KCNH1: variants seen among roughly 807,000 people sequenced by gnomAD.
KCNH1 encodes voltage-gated delayed rectifier potassium channel KCNH1.
Under a neutral mutation model 69.2 loss-of-function variants are expected in KCNH1, and 27 were observed. The ratio of observed to expected loss-of-function variants is 0.39; its 90% CI spans 0.29 to 0.54. The LOEUF (loss-of-function observed/expected upper bound fraction) is 0.54, where lower values mean the gene tolerates loss of function less well. Ranked by LOEUF, KCNH1 falls within the 20% of genes least tolerant of loss-of-function variation. KCNH1 has a pLI of 0.68. For synonymous variants in KCNH1, 456 were observed against 487.7 expected (o/e 0.93, Z 0.86); for missense variants, 798 against 1,261.6 (o/e 0.63, Z 5.57).
At chr1:211,039,077 G>A (rs1689947663) in intron 5 of KCNH1, among the ~76,000 whole-genome samples, 1 of 152,286 alleles carries the variant, frequency 6.6e-6, no homozygotes, top group African/African-American at 2.4e-5. Context: ...CATGGGCTGG[G>A]CCCAGGGTCC....
Position 211,126,687 on chromosome 1 carries a change from C to CAAAAAAAAAA in KCNH1, c.79+7170_79+7179dup, listed in dbSNP as rs71571980. 5.6e-3 allele frequency among the ~76,000 whole-genome samples: 366 copies of CAAAAAAAAAA among 64,918 alleles called. 2 individuals are homozygous for CAAAAAAAAAA. The highest frequency in any genetic ancestry group is 0.019 in the African/African-American group (350 of 18,834). 42.6% of individuals were successfully genotyped at this position (64,918 alleles called of 152,430 possible). ...GACAGAGTGAGATCCTATAATATCT[C>CAAAAAAAAAA]AAAAAAAAAAAAAAAAAAAGACTGC... On this transcript the variant is annotated intron_variant, in intron 1 of 10. Transcript: ENST00000271751.
intron 10 of KCNH1, among the ~76,000 whole-genome samples, chr1:210,719,236 T>A (rs1373956432): frequency 6.6e-6 from 1 of 152,156 alleles, no homozygotes; most frequent in Non-Finnish European, 1.5e-5. Flanking sequence ...CAGAAAGTTG[T>A]ATCAGACAGC....
chr1:211,014,597 G>A (rs533618856), intron 6 of KCNH1, among the ~76,000 whole-genome samples: 1 of 152,172 alleles, frequency 6.6e-6, no homozygotes, highest in South Asian at 2.1e-4. Context: ...GACTTTGGGT[G>A]GCTCCAATCT....
chr1:211,025,248 C>T (rs754644164), intron 5 of KCNH1, among the ~76,000 whole-genome samples: 4 of 152,156 alleles, frequency 2.6e-5, no homozygotes, highest in Non-Finnish European at 4.4e-5. Flanking sequence ...CTTCTTGTTA[C>T]CCCTAGAGGT....
chr1:210,711,735 G>A (rs1282083808), intron 10 of KCNH1, among the ~76,000 whole-genome samples: 1 of 152,148 alleles, frequency 6.6e-6, no homozygotes, highest in Non-Finnish European at 1.5e-5. Context: ...TGAAGCCCTT[G>A]GCAGCTTAAC....
intron 7 of KCNH1, among the ~76,000 whole-genome samples, chr1:210,880,326 C>T (rs1327845501): frequency 6.6e-6 from 1 of 152,144 alleles, no homozygotes; most frequent in Non-Finnish European, 1.5e-5. Flanking sequence ...GTGACACCAT[C>T]CAGCTTCAAG....
rs1574333672 is a variant in KCNH1 at position 210,911,576 on chromosome 1, C to A, written c.1462+8064G>T. ...GTATAATAAAAAAAAAAAATCTGAA[C>A]TTGCCACATCAGATATATATTTCTT... On this transcript the variant is annotated intron_variant, in intron 7 of 10. Coordinates refer to ENST00000271751, the MANE Select transcript of KCNH1 (RefSeq NM_172362.3). Among the ~76,000 whole-genome samples the A allele has an allele frequency of 2.0e-5, 3 of 147,290 alleles. No homozygotes were observed. In the East Asian group the frequency reaches 6.0e-4, roughly 30 times the overall value.
At chr1:210,865,340 G>C (rs1045180193) in intron 7 of KCNH1, among the ~76,000 whole-genome samples, 1 of 152,162 alleles carries the variant, frequency 6.6e-6, no homozygotes, top group African/African-American at 2.4e-5. Context: ...CTGAAACTGA[G>C]CTCAAAAAGT....
intron 7 of KCNH1, among the ~76,000 whole-genome samples, chr1:210,830,764 C>T (rs1261151711): frequency 6.6e-6 from 1 of 152,146 alleles, no homozygotes; most frequent in African/African-American, 2.4e-5. Flanking sequence ...TTTTCTCTGT[C>T]TTCACCTCTT....
chr1:210,867,474 T>C (rs954510378), intron 7 of KCNH1, among the ~76,000 whole-genome samples: 1 of 151,812 alleles, frequency 6.6e-6, no homozygotes, highest in Non-Finnish European at 1.5e-5. Flanking sequence ...TGTGGCTGTG[T>C]GACCAAAGGT....
chr1:210,889,619 C>T (rs1448311474), intron 7 of KCNH1, among the ~76,000 whole-genome samples: 1 of 152,206 alleles, frequency 6.6e-6, no homozygotes, highest in Non-Finnish European at 1.5e-5. Flanking sequence ...CAAATTGTCT[C>T]TGTTTGCAGA....
At chr1:211,106,645 A>AAAAAG (rs71571978) in intron 2 of KCNH1, among the ~76,000 whole-genome samples, 1 of 150,930 alleles carries the variant, frequency 6.6e-6, no homozygotes, top group African/African-American at 2.4e-5. Context: ...AAAAAAAAAA[A>AAAAAG]TTAGCCAGGT....
At chr1:210,861,952 G>A (rs1685987660) in intron 7 of KCNH1, 2 of 758,848 alleles carry the variant, frequency 2.6e-6, no homozygotes, top group Non-Finnish European at 2.4e-6. Context: ...ATGAATGCAT[G>A]TAGTAAGCTG....
intron 6 of KCNH1, among the ~76,000 whole-genome samples, chr1:210,930,712 G>T (rs1391448114): frequency 1.3e-5 from 2 of 152,148 alleles, no homozygotes; most frequent in Non-Finnish European, 2.9e-5. Context: ...AAAAGCTTCT[G>T]CACAGCAAAA....
intron 3 of KCNH1, among the ~76,000 whole-genome samples, chr1:211,101,927 G>T (rs997969772): frequency 2.6e-5 from 4 of 152,144 alleles, no homozygotes; most frequent in African/African-American, 9.7e-5. Flanking sequence ...CCATAAAGTA[G>T]AACCTGATGC....
intron 6 of KCNH1, among the ~76,000 whole-genome samples, chr1:210,995,236 T>C (rs904630681): frequency 6.6e-6 from 1 of 152,194 alleles, no homozygotes; most frequent in African/African-American, 2.4e-5. Flanking sequence ...GAGGCTTATA[T>C]TTTTCTGCCT....
At chr1:210,766,500 G>A (rs1683634925) in intron 10 of KCNH1, among the ~76,000 whole-genome samples, 1 of 152,074 alleles carries the variant, frequency 6.6e-6, no homozygotes, top group African/African-American at 2.4e-5. Context: ...ACTCCAGCCT[G>A]GGCAACAAGA....
chr1:210,780,490 TAACAGTGG>T (rs2102378264), intron 9 of KCNH1, among the ~76,000 whole-genome samples: 1 of 152,240 alleles, frequency 6.6e-6, no homozygotes, highest in South Asian at 2.1e-4. Flanking sequence ...GGCTGAGGTG[TAACAGTGG>T]AACAGCAGAT....
intron 6 of KCNH1, among the ~76,000 whole-genome samples, chr1:211,015,048 T>C (rs1175702550): frequency 6.6e-6 from 1 of 152,182 alleles, no homozygotes; most frequent in Non-Finnish European, 1.5e-5. Flanking sequence ...TTTAATGGTG[T>C]CATTTCACTA....
Sources: allele counts gnomAD v4.1 joint callset (sites outside exome capture counted in the v4.1 genomes callset), GRCh38; gene constraint gnomAD v4.1.1; transcripts MANE v1.5; gene names NCBI Gene and HGNC (gene_info 2026-07-23, HGNC 2026-07-21).